Variants in TMEM132B observed in about 807,000 individuals in gnomAD.
TMEM132B encodes the protein transmembrane protein 132B.
A neutral mutation model predicts 90.8 loss-of-function variants in TMEM132B; 18 were observed. That is an observed-to-expected ratio of 0.20 (90% confidence interval 0.14 to 0.29). The LOEUF (loss-of-function observed/expected upper bound fraction) is 0.29, where lower values mean the gene tolerates loss of function less well. TMEM132B is among the 10% of genes least tolerant of loss of function. The pLI is 1.00. For missense variants in TMEM132B, 1,096 were observed against 1,326.8 expected, an observed-to-expected ratio of 0.83 and a Z score of 2.70; for synonymous variants, 504 against 523.3, an observed-to-expected ratio of 0.96 and a Z score of 0.50.
chr12:125,329,647 T>C (rs957074246), intron 1 of TMEM132B, among the ~76,000 whole-genome samples: 2 of 152,178 alleles, frequency 1.3e-5, no homozygotes, highest in Admixed American at 6.5e-5. Flanking sequence ...AACGGATGTC[T>C]CAGAGCTGTC....
intron 5 of TMEM132B, among the ~76,000 whole-genome samples, chr12:125,640,195 A>G (rs1438990327): frequency 6.6e-6 from 1 of 152,226 alleles, no homozygotes; most frequent in Non-Finnish European, 1.5e-5. Flanking sequence ...TGGCCAGAGT[A>G]ATAGCACATG....
chr12:125,333,075 C>T (rs780574910), intron 1 of TMEM132B, among the ~76,000 whole-genome samples: 3 of 152,236 alleles, frequency 2.0e-5, no homozygotes, highest in Non-Finnish European at 2.9e-5. Flanking sequence ...GTTGTTTCCT[C>T]TGAAGACTGC....
At chr12:125,245,694 G>A (rs887180292) in intron 1 of TMEM132B, among the ~76,000 whole-genome samples, 1 of 152,198 alleles carries the variant, frequency 6.6e-6, no homozygotes, top group African/African-American at 2.4e-5. Flanking sequence ...GGGGGATGGG[G>A]GGGGACTTAG....
intron 5 of TMEM132B, chr12:125,622,668 C>G: frequency 3.0e-6 from 3 of 985,362 alleles, no homozygotes; most frequent in Non-Finnish European, 3.6e-6. Flanking sequence ...TAGCACTGAA[C>G]AGATCTGAAG....
At chr12:125,314,817 G>A (rs1666839) in intron 1 of TMEM132B, among the ~76,000 whole-genome samples, 111,582 of 152,154 alleles carry the variant, frequency 0.73, 41,952 homozygotes, top group African/African-American at 0.89. Flanking sequence ...TTAGAATAAA[G>A]ATTAGCTGAG....
chr12:125,531,444 C>T (rs1769335993), intron 4 of TMEM132B, among the ~76,000 whole-genome samples: 1 of 152,170 alleles, frequency 6.6e-6, no homozygotes, highest in South Asian at 2.1e-4. Flanking sequence ...ACACTTTGGC[C>T]TTCCAAAGTG....
At chr12:125,541,907 C>T (rs1883966891) in intron 4 of TMEM132B, among the ~76,000 whole-genome samples, 1 of 151,612 alleles carries the variant, frequency 6.6e-6, no homozygotes, top group Non-Finnish European at 1.5e-5. Context: ...CACCTGTAGT[C>T]CCAGCTACTT....
intron 4 of TMEM132B, among the ~76,000 whole-genome samples, chr12:125,574,778 T>C (rs1884894371): frequency 6.6e-6 from 1 of 151,858 alleles, no homozygotes; most frequent in Admixed American, 6.6e-5. Flanking sequence ...TTTTTTCTCA[T>C]TGGCAAAATT....
At chr12:125,329,435 A>G (rs148555722) in intron 1 of TMEM132B, among the ~76,000 whole-genome samples, 273 of 152,294 alleles carry the variant, frequency 1.8e-3, no homozygotes, top group African/African-American at 6.3e-3. Flanking sequence ...AGTAGGGCTG[A>G]GTCACTCACC....
At chr12:125,624,090 C>T (rs1443944591) in intron 5 of TMEM132B, among the ~76,000 whole-genome samples, 2 of 152,204 alleles carry the variant, frequency 1.3e-5, no homozygotes, top group Non-Finnish European at 2.9e-5. Context: ...ACAGGCTGAA[C>T]GCTGAGCAAA....
At chr12:125,614,341 C>T (rs888952982) in intron 5 of TMEM132B, among the ~76,000 whole-genome samples, 2 of 152,122 alleles carry the variant, frequency 1.3e-5, no homozygotes, top group African/African-American at 4.8e-5. Flanking sequence ...GTTTAGTTGC[C>T]ACTTATAAGT....
chr12:125,400,409 T>A (rs894783652), intron 2 of TMEM132B, among the ~76,000 whole-genome samples: 1 of 152,354 alleles, frequency 6.6e-6, no homozygotes, highest in African/African-American at 2.4e-5. Flanking sequence ...TTTCCAGTAC[T>A]TCTCTCTGGT....
Position 125,629,853 on chromosome 12 carries a change from C to T in TMEM132B, c.1438-14223C>T, listed in dbSNP as rs140333699. The stretch of plus-strand genomic sequence containing the variant: ...TTTGAAGGTTTTTATCATGAAGAGA[C>T]GTTGAACTTTATCAGATTCTTTTTC... On this transcript the variant is annotated intron_variant, in intron 5 of 8. Coordinates refer to ENST00000682704, the MANE Select transcript of TMEM132B (RefSeq NM_001366854.1). 8.4e-3 allele frequency among the ~76,000 whole-genome samples: 1,277 copies of T among 152,038 alleles called. 17 individuals carry two copies. The highest frequency in any genetic ancestry group is 0.029 in the African/African-American group (1,215 of 41,502).
chr12:125,417,949 T>TG (rs1566030069), intron 3 of TMEM132B, among the ~76,000 whole-genome samples: 1 of 151,248 alleles, frequency 6.6e-6, no homozygotes, highest in African/African-American at 2.4e-5. Flanking sequence ...GGGCAGAGAG[T>TG]GGGGGAGGGA....
At chr12:125,644,403 T>A in intron 6 of TMEM132B, 122 bp downstream of exon 6, 1 of 1,094,390 alleles carries the variant, frequency 9.1e-7, no homozygotes, top group South Asian at 1.6e-5. Context: ...GGAAGCGTGG[T>A]CTGGGCTTTG....
chr12:125,518,141 AT>A (rs1883215021), intron 3 of TMEM132B, among the ~76,000 whole-genome samples: 1 of 151,992 alleles, frequency 6.6e-6, no homozygotes, highest in African/African-American at 2.4e-5. Flanking sequence ...GGTCAGTGTG[AT>A]TTCGTGTTGT....
Position 125,415,826 on chromosome 12 carries a change from C to T in TMEM132B, c.1106+149C>T, listed in dbSNP as rs1593134466. The T allele has an allele frequency of 9.1e-7, 1 of 1,104,220 alleles. No homozygotes were observed. Among genetic ancestry groups the T allele is most frequent in the Non-Finnish European group, 1.2e-6 (1 of 818,640 alleles). The allele number at this position is 1,104,220 out of a possible 1,614,324, so 68.4% of individuals were successfully genotyped here. ...TTGAGGTCGGCAGTCTCAAAAATCA[C>T]CAGAGTTCACATTTATCACAGCGTC... is the stretch of plus-strand genomic sequence containing the variant. On this transcript the variant is annotated intron_variant, in intron 3 of 8. Coordinates refer to ENST00000682704, the MANE Select transcript of TMEM132B (RefSeq NM_001366854.1). The surrounding 1 kb of genome is among the most constrained non-coding windows in gnomAD (Gnocchi z 5.3).
At chr12:125,239,081 T>C (rs1874005891) in intron 1 of TMEM132B, among the ~76,000 whole-genome samples, 1 of 152,070 alleles carries the variant, frequency 6.6e-6, no homozygotes. Context: ...TTGAGATGCC[T>C]GGTATGGGAA....
At chr12:125,558,775 T>C (rs1053626685) in intron 4 of TMEM132B, among the ~76,000 whole-genome samples, 1 of 152,208 alleles carries the variant, frequency 6.6e-6, no homozygotes, top group African/African-American at 2.4e-5. Flanking sequence ...AGCTATCAAT[T>C]GATCCACCCA....
Sources: allele counts gnomAD v4.1 joint callset (sites outside exome capture counted in the v4.1 genomes callset), GRCh38; gene constraint gnomAD v4.1.1; non-coding constraint Gnocchi (gnomAD v3.1); transcripts MANE v1.5; gene names NCBI Gene and HGNC (gene_info 2026-07-23, HGNC 2026-07-21).